Variants in DOCK3 observed in about 807,000 individuals in gnomAD.
DOCK3 encodes dedicator of cytokinesis protein 3.
A neutral mutation model predicts 265.6 loss-of-function variants in DOCK3; 60 were observed. That is an observed-to-expected ratio of 0.23 (90% CI 0.18 to 0.28). The LOEUF is 0.28. Ranked by LOEUF, DOCK3 falls within the 10% of genes least tolerant of loss-of-function variation. DOCK3 has a pLI of 1.00. For synonymous variants in DOCK3, 881 were observed against 938.0 expected, an observed-to-expected ratio of 0.94 and a Z score of 1.11; for missense variants, 1,981 against 2,594.3, an observed-to-expected ratio of 0.76 and a Z score of 5.14.
chr3:50,806,807 G>T (rs1313873779), intron 2 of DOCK3, among the ~76,000 whole-genome samples: 1 of 152,026 alleles, frequency 6.6e-6, no homozygotes, highest in African/African-American at 2.4e-5. Flanking sequence ...GTCTCAAGAT[G>T]GTGTCTTGCT....
chr3:50,724,744 G>A (rs2037705674), intron 1 of DOCK3, among the ~76,000 whole-genome samples: 1 of 152,142 alleles, frequency 6.6e-6, no homozygotes. Flanking sequence ...TAAGTGACAA[G>A]TTGATGGGTG....
chr3:50,806,315 G>T (rs1259395003), intron 2 of DOCK3, among the ~76,000 whole-genome samples: 3 of 151,908 alleles, frequency 2.0e-5, no homozygotes, highest in Non-Finnish European at 2.9e-5. Context: ...TCCAAGAGTT[G>T]AGCTCTTTGC....
At chr3:50,786,395 G>A (rs1055619024) in intron 2 of DOCK3, among the ~76,000 whole-genome samples, 11 of 152,128 alleles carry the variant, frequency 7.2e-5, no homozygotes, top group African/African-American at 1.7e-4. Context: ...GCTCAAGGTC[G>A]TCTTCTTGTT....
At chr3:51,157,835 T>C (rs984230067) in intron 10 of DOCK3, among the ~76,000 whole-genome samples, 2 of 149,440 alleles carry the variant, frequency 1.3e-5, no homozygotes, top group Non-Finnish European at 3.0e-5. Context: ...AGTCTCGCTC[T>C]TTTGCCCAGG....
chr3:50,758,485 A>G (rs1288813865), intron 1 of DOCK3, among the ~76,000 whole-genome samples: 1 of 152,074 alleles, frequency 6.6e-6, no homozygotes, highest in Non-Finnish European at 1.5e-5. Flanking sequence ...TATAGTTTTA[A>G]CCATTTGTAA....
intron 27 of DOCK3, among the ~76,000 whole-genome samples, chr3:51,300,913 C>T (rs539577553): frequency 3.0e-4 from 46 of 152,240 alleles, no homozygotes; most frequent in African/African-American, 1.1e-3. Flanking sequence ...TGATGCTGGC[C>T]TCATAAAATG....
intron 3 of DOCK3, among the ~76,000 whole-genome samples, chr3:50,858,422 TATAATA>T (rs149503894): frequency 1.1e-3 from 132 of 124,084 alleles, no homozygotes; most frequent in African/African-American, 2.3e-3. Flanking sequence ...TAACTTAAAA[TATAATA>T]ATAATAATAA....
intron 1 of DOCK3, among the ~76,000 whole-genome samples, chr3:50,710,840 T>G (rs112206550): frequency 6.6e-6 from 1 of 152,280 alleles, no homozygotes; most frequent in African/African-American, 2.4e-5. Flanking sequence ...AGGAACAAAA[T>G]AATGGCATTT....
intron 12 of DOCK3, among the ~76,000 whole-genome samples, chr3:51,171,215 T>A (rs4378999): frequency 0.91 from 138,746 of 152,130 alleles, 63,417 homozygotes; most frequent in African/African-American, 0.96. Flanking sequence ...TCTGCATGCC[T>A]TAAGTCTTGA....
chr3:50,929,662 G>A (rs1437516420), intron 4 of DOCK3, among the ~76,000 whole-genome samples: 4 of 151,992 alleles, frequency 2.6e-5, no homozygotes, highest in South Asian at 2.1e-4. Context: ...TTGCTACTAC[G>A]CTGAGATATT....
intron 21 of DOCK3, among the ~76,000 whole-genome samples, chr3:51,241,070 T>C (rs1022562739): frequency 6.6e-6 from 1 of 152,218 alleles, no homozygotes; most frequent in Non-Finnish European, 1.5e-5. Flanking sequence ...TATTGGTCTT[T>C]TCTTTGCGTA....
At chr3:51,211,097 C>T (rs1331769467) in intron 13 of DOCK3, among the ~76,000 whole-genome samples, 1 of 152,082 alleles carries the variant, frequency 6.6e-6, no homozygotes, top group African/African-American at 2.4e-5. Context: ...AATTTATTTC[C>T]ATATCTTGGG....
At chr3:50,715,552 G>GA (rs1309484985) in intron 1 of DOCK3, among the ~76,000 whole-genome samples, 2 of 151,694 alleles carry the variant, frequency 1.3e-5, no homozygotes, top group Admixed American at 6.6e-5. Context: ...CGCTGCCTCA[G>GA]AAAAAACAAG....
chr3:50,852,965 T>C (rs1463447961), intron 3 of DOCK3, among the ~76,000 whole-genome samples: 1 of 152,226 alleles, frequency 6.6e-6, no homozygotes, highest in Non-Finnish European at 1.5e-5. Context: ...TTGCATACAA[T>C]GTGTAATGAT....
At chr3:50,823,717 G>T (rs1576551826) in intron 2 of DOCK3, among the ~76,000 whole-genome samples, 1 of 152,104 alleles carries the variant, frequency 6.6e-6, no homozygotes, top group Non-Finnish European at 1.5e-5. Context: ...GGGCAGAGGG[G>T]CTCCTCACTT....
chr3:50,795,080 G>A (rs767919470), intron 2 of DOCK3, among the ~76,000 whole-genome samples: 1 of 151,848 alleles, frequency 6.6e-6, no homozygotes, highest in East Asian at 1.9e-4. Context: ...TTCTGGCTTG[G>A]GTTTCTCCTG....
intron 5 of DOCK3, among the ~76,000 whole-genome samples, chr3:50,982,467 GGCT>G (rs2077728302): frequency 6.6e-6 from 1 of 152,146 alleles, no homozygotes; most frequent in South Asian, 2.1e-4. Context: ...TGGCAGGAAT[GGCT>G]GCTGCAGGAG....
chr3:50,995,642 CAGTG>C (rs1440031234), intron 5 of DOCK3, among the ~76,000 whole-genome samples: 1 of 152,168 alleles, frequency 6.6e-6, no homozygotes, highest in Non-Finnish European at 1.5e-5. Flanking sequence ...GTAGTAAAGA[CAGTG>C]AGTATTACAG....
At chr3:51,061,055 G>A (rs950415199) in intron 5 of DOCK3, among the ~76,000 whole-genome samples, 17 of 152,222 alleles carry the variant, frequency 1.1e-4, no homozygotes, top group Non-Finnish European at 2.5e-4. Context: ...TAAAAAGTCA[G>A]GAAACAACAG....
Sources: allele counts gnomAD v4.1 joint callset (sites outside exome capture counted in the v4.1 genomes callset), GRCh38; gene constraint gnomAD v4.1.1; transcripts MANE v1.5; gene names NCBI Gene and HGNC (gene_info 2026-07-23, HGNC 2026-07-21).